The following CDH9 variants were observed in gnomAD, a reference collection of about 807,000 sequenced individuals.
CDH9 encodes the protein cadherin-9.
In CDH9, 28 loss-of-function variants were observed where a neutral mutation model predicts 70.9. The observed-to-expected ratio is 0.40, with a 90% CI of 0.29 to 0.54. CDH9 has a LOEUF of 0.54. Ranked by LOEUF, CDH9 falls within the 20% of genes least tolerant of loss-of-function variation. The pLI, the probability that CDH9 is intolerant of heterozygous loss-of-function variation, is 0.59. For synonymous variants in CDH9, 409 were observed against 343.1 expected (o/e 1.19, Z -2.12); for missense variants, 874 against 984.4 (o/e 0.89, Z 1.50).
At position 26,881,203 on chromosome 5, in the gene CDH9, C is replaced by G. The variant is rs1740455363; in HGVS notation, c.2303G>C (p.Ser768Thr). 2 of 1,613,048 alleles carry G rather than the reference C, an allele frequency of 1.2e-6. No homozygotes were observed. Among genetic ancestry groups the G allele is most frequent in the African/African-American group, 1.3e-5 (1 of 74,852 alleles). The change falls in exon 12 of 12, where the codon AGT (serine) becomes ACT (threonine). Residue 768 changes from serine (S) to threonine (T), a missense_variant. Ser to Thr is a moderately conservative substitution (Grantham distance 58). Coordinates refer to ENST00000231021, the MANE Select transcript of CDH9 (RefSeq NM_016279.4). ...ADCNQDYDYLSDWGPRFKKLA... is the reference protein window; with the variant it reads ...ADCNQDYDYLTDWGPRFKKLA... ...TTTTTTGAAACGAGGCCCCCAGTCACTGAGGTAATCATAATCTTGGTTACA... is the reference window on the plus strand; with the variant it reads ...TTTTTTGAAACGAGGCCCCCAGTCAGTGAGGTAATCATAATCTTGGTTACA...
At chr5:26,971,278 G>A (rs1294650804) in intron 2 of CDH9, among the ~76,000 whole-genome samples, 4 of 152,138 alleles carry the variant, frequency 2.6e-5, no homozygotes, top group South Asian at 2.1e-4. Flanking sequence ...TTCACTCATC[G>A]GTCATATTAT....
intron 1 of CDH9, among the ~76,000 whole-genome samples, chr5:27,033,028 G>C (rs1743335428): frequency 6.6e-6 from 1 of 150,708 alleles, no homozygotes; most frequent in Admixed American, 6.6e-5. Flanking sequence ...ATTTTGTGAG[G>C]TGTTCAAGAA....
chr5:26,987,529 G>C (rs889817562), intron 2 of CDH9, among the ~76,000 whole-genome samples: 1 of 152,022 alleles, frequency 6.6e-6, no homozygotes, highest in Admixed American at 6.6e-5. Context: ...TTGAACATAA[G>C]AAGGGAGTTA....
chr5:27,004,627 T>G (rs1434854369), intron 1 of CDH9, among the ~76,000 whole-genome samples: 1 of 152,084 alleles, frequency 6.6e-6, no homozygotes, highest in African/African-American at 2.4e-5. Context: ...AGGGATGAAT[T>G]TAAGGCTTTG....
intron 7 of CDH9, among the ~76,000 whole-genome samples, chr5:26,893,588 T>C (rs1740697222): frequency 6.6e-6 from 1 of 152,146 alleles, no homozygotes; most frequent in Admixed American, 6.5e-5. Context: ...AAGAGTAGCC[T>C]ATATTTCTTG....
At chr5:27,038,012 C>T (rs532683295) in intron 1 of CDH9, among the ~76,000 whole-genome samples, 1 of 151,766 alleles carries the variant, frequency 6.6e-6, no homozygotes, top group Admixed American at 6.6e-5. Context: ...TAAAGATGCC[C>T]TTATTTTTGA....
intron 7 of CDH9, among the ~76,000 whole-genome samples, chr5:26,900,764 C>T (rs1740841422): frequency 6.6e-6 from 1 of 151,948 alleles, no homozygotes; most frequent in South Asian, 2.1e-4. Context: ...GTGCAACAGA[C>T]ACTAAGGAGA....
chr5:26,968,389 G>A (rs146601102), intron 2 of CDH9, among the ~76,000 whole-genome samples: 2 of 152,014 alleles, frequency 1.3e-5, no homozygotes, highest in African/African-American at 2.4e-5. Context: ...AGGTTCAAGC[G>A]ATTCTCCAGC....
chr5:26,965,985 T>C (rs1009588421), intron 2 of CDH9, among the ~76,000 whole-genome samples: 1 of 152,224 alleles, frequency 6.6e-6, no homozygotes, highest in Non-Finnish European at 1.5e-5. Context: ...ATATAGTATT[T>C]TTCACAATGG....
chr5:27,020,425 A>G (rs1305525801), intron 1 of CDH9, among the ~76,000 whole-genome samples: 1 of 151,652 alleles, frequency 6.6e-6, no homozygotes, highest in Non-Finnish European at 1.5e-5. Flanking sequence ...AAATATTAAA[A>G]TACTATACTT....
At chr5:27,035,710 G>GT (rs1491261351) in intron 1 of CDH9, among the ~76,000 whole-genome samples, 3 of 149,318 alleles carry the variant, frequency 2.0e-5, no homozygotes, top group African/African-American at 4.9e-5. Flanking sequence ...GTGTGTGTGT[G>GT]GGTGTGTGTG....
chr5:26,903,493 A>G, intron 6 of CDH9, 144 bp downstream of exon 6: 1 of 739,606 alleles, frequency 1.4e-6, no homozygotes, highest in South Asian at 1.4e-5. Flanking sequence ...TTGAAGTGAT[A>G]TCACAACTAT....
chr5:27,027,501 C>A (rs1037714993), intron 1 of CDH9, among the ~76,000 whole-genome samples: 2 of 151,960 alleles, frequency 1.3e-5, no homozygotes, highest in African/African-American at 4.8e-5. Context: ...CCTCATAAAA[C>A]CCTACAATGT....
chr5:26,959,460 A>G (rs1414808677), intron 2 of CDH9, among the ~76,000 whole-genome samples: 1 of 152,086 alleles, frequency 6.6e-6, no homozygotes, highest in Non-Finnish European at 1.5e-5. Flanking sequence ...TACCTCAAAA[A>G]GTTAAACAGA....
chr5:26,945,773 G>A (rs776431843), intron 2 of CDH9, among the ~76,000 whole-genome samples: 18 of 152,070 alleles, frequency 1.2e-4, no homozygotes, highest in Non-Finnish European at 2.1e-4. Context: ...TGATAATAGC[G>A]GAAACCTGGA....
chr5:26,992,662 T>C (rs941788899), intron 1 of CDH9, among the ~76,000 whole-genome samples: 18 of 152,124 alleles, frequency 1.2e-4, no homozygotes, highest in African/African-American at 4.1e-4. Flanking sequence ...AACTGGGTAA[T>C]AATAGGTAAA....
At chr5:26,956,622 C>A (rs1287786128) in intron 2 of CDH9, among the ~76,000 whole-genome samples, 1 of 152,054 alleles carries the variant, frequency 6.6e-6, no homozygotes, top group Admixed American at 6.6e-5. Context: ...TCTGGTGTGT[C>A]TGTATTAGCC....
chr5:26,919,511 T>A (rs1741207842), intron 2 of CDH9, among the ~76,000 whole-genome samples: 1 of 152,148 alleles, frequency 6.6e-6, no homozygotes, highest in South Asian at 2.1e-4. Context: ...ATTGTAATTC[T>A]TGGACAAGTC....
chr5:26,885,600 G>C lies in CDH9; in HGVS notation c.1882+14C>G. 6.2e-7 allele frequency: 1 copy of C among 1,610,102 alleles called. No homozygotes were observed. The highest frequency in any genetic ancestry group is 2.2e-5 in the East Asian group (1 of 44,818). On this transcript the variant is annotated intron_variant, in intron 11 of 11. Coordinates refer to ENST00000231021, the MANE Select transcript of CDH9 (RefSeq NM_016279.4). Reference sequence around the variant, plus strand: ...TTTGTGAGTTAAAGGATCATTCAGAGGGGCAGAGCTTACTAAGCAGTATGA... The same window carrying C: ...TTTGTGAGTTAAAGGATCATTCAGACGGGCAGAGCTTACTAAGCAGTATGA...
Sources: gnomAD v4.1 joint callset for allele counts (sites outside exome capture counted in the v4.1 genomes callset) on GRCh38, gnomAD v4.1.1 for gene constraint, MANE v1.5 for transcripts, NCBI Gene and HGNC (gene_info 2026-07-23, HGNC 2026-07-21) for gene names.